Variants in CNTN5 observed in about 807,000 individuals in gnomAD.
The protein encoded by CNTN5 is contactin-5.
In CNTN5, 77 loss-of-function variants were observed where a neutral mutation model predicts 129.1. The observed-to-expected ratio is 0.60, with a 90% CI of 0.50 to 0.72. The LOEUF (loss-of-function observed/expected upper bound fraction) is 0.72, where lower values mean the gene tolerates loss of function less well. Ranked by LOEUF, CNTN5 falls within the 30% of genes least tolerant of loss-of-function variation. The pLI, the probability that CNTN5 is intolerant of heterozygous loss-of-function variation, is 0.00. For synonymous variants in CNTN5, 509 were observed against 465.6 expected, an observed-to-expected ratio of 1.09 and a Z score of -1.20; for missense variants, 1,478 against 1,328.8, an observed-to-expected ratio of 1.11 and a Z score of -1.75.
At chr11:99,940,727 C>A (rs1363567556) in intron 7 of CNTN5, among the ~76,000 whole-genome samples, 4 of 152,008 alleles carry the variant, frequency 2.6e-5, no homozygotes, top group Non-Finnish European at 4.4e-5. Flanking sequence ...TTAGAGAGTT[C>A]ATAAAATCAA....
At chr11:99,149,275 C>T (rs1404883201) in intron 1 of CNTN5, among the ~76,000 whole-genome samples, 1 of 151,042 alleles carries the variant, frequency 6.6e-6, no homozygotes, top group African/African-American at 2.4e-5. Context: ...ATGGGCAGGA[C>T]AGGAAGAGCA....
intron 23 of CNTN5, among the ~76,000 whole-genome samples, chr11:100,346,176 G>T (rs921472759): frequency 1.3e-4 from 20 of 151,908 alleles, no homozygotes; most frequent in Non-Finnish European, 2.5e-4. Flanking sequence ...TCAAATAAAT[G>T]TTTTTAAACA....
At chr11:99,981,407 AAT>A (rs1470024444) in intron 8 of CNTN5, among the ~76,000 whole-genome samples, 2 of 152,016 alleles carry the variant, frequency 1.3e-5, no homozygotes, top group African/African-American at 4.8e-5. Context: ...ATTTCCAGGA[AAT>A]AGACACATGC....
At chr11:99,647,684 A>AT (rs915817222) in intron 3 of CNTN5, among the ~76,000 whole-genome samples, 14 of 151,272 alleles carry the variant, frequency 9.3e-5, no homozygotes, top group South Asian at 6.2e-4. Flanking sequence ...ATTTCTCTTC[A>AT]TTTTTTTGTG....
intron 1 of CNTN5, among the ~76,000 whole-genome samples, chr11:99,145,047 G>C (rs1859709306): frequency 6.6e-6 from 1 of 151,896 alleles, no homozygotes; most frequent in Non-Finnish European, 1.5e-5. Flanking sequence ...CAATTTTATG[G>C]AGTAAATTTC....
At chr11:100,149,972 T>A (rs544813730) in intron 13 of CNTN5, among the ~76,000 whole-genome samples, 36 of 152,118 alleles carry the variant, frequency 2.4e-4, no homozygotes, top group African/African-American at 8.4e-4. Flanking sequence ...TAGTGCACAT[T>A]TAAGTTACAC....
chr11:100,270,677 G>C (rs550927029), intron 17 of CNTN5, among the ~76,000 whole-genome samples: 1 of 152,302 alleles, frequency 6.6e-6, no homozygotes, highest in Admixed American at 6.5e-5. Flanking sequence ...TTCTTAATTT[G>C]CTGCTTGGAA....
At chr11:99,673,488 G>T (rs1227796501) in intron 3 of CNTN5, among the ~76,000 whole-genome samples, 1 of 152,124 alleles carries the variant, frequency 6.6e-6, no homozygotes, top group Non-Finnish European at 1.5e-5. Flanking sequence ...ATGAAGGTTT[G>T]TTACATAGGT....
chr11:99,268,439 A>G (rs1304952132), intron 1 of CNTN5, among the ~76,000 whole-genome samples: 1 of 151,690 alleles, frequency 6.6e-6, no homozygotes, highest in African/African-American at 2.4e-5. Context: ...ATATTAGATC[A>G]TATATAAAAT....
At chr11:99,195,408 A>G (rs978836705) in intron 1 of CNTN5, among the ~76,000 whole-genome samples, 1 of 152,168 alleles carries the variant, frequency 6.6e-6, no homozygotes, top group Non-Finnish European at 1.5e-5. Flanking sequence ...ATGAGAGGAT[A>G]TGGCGTCCTC....
In CNTN5 at chr11:100,058,123, G is replaced by T. The variant is rs531519367; in HGVS notation, c.981-3089G>T. Among the ~76,000 whole-genome samples, 13 of 152,166 alleles carry T rather than the reference G, an allele frequency of 8.5e-5. No homozygotes were observed. In the East Asian group the frequency reaches 2.5e-3, roughly 29 times the overall value. On this transcript the variant is annotated intron_variant, in intron 9 of 24. Transcript: ENST00000524871. Reference sequence around the variant, plus strand: ...ACAATTACAATTTATATAACTTGCTGCTAAAACATTGAAATTATAGATAAA... The same window carrying T: ...ACAATTACAATTTATATAACTTGCTTCTAAAACATTGAAATTATAGATAAA...
intron 2 of CNTN5, among the ~76,000 whole-genome samples, chr11:99,459,116 T>G (rs1033182838): frequency 6.6e-6 from 1 of 151,972 alleles, no homozygotes; most frequent in Non-Finnish European, 1.5e-5. Flanking sequence ...ATAAGGAAAA[T>G]ATATCCCAGG....
At chr11:99,464,850 G>A (rs1944871990) in intron 2 of CNTN5, among the ~76,000 whole-genome samples, 1 of 152,078 alleles carries the variant, frequency 6.6e-6, no homozygotes, top group African/African-American at 2.4e-5. Context: ...ACTGGAGATT[G>A]GTAACCAACT....
At chr11:99,462,770 T>A (rs1356595247) in intron 2 of CNTN5, among the ~76,000 whole-genome samples, 2 of 151,518 alleles carry the variant, frequency 1.3e-5, no homozygotes, top group Non-Finnish European at 2.9e-5. Context: ...ACTGCAGGAG[T>A]AGGGGAGGAA....
chr11:99,447,824 C>A (rs1944132385), intron 2 of CNTN5, among the ~76,000 whole-genome samples: 1 of 152,108 alleles, frequency 6.6e-6, no homozygotes, highest in Non-Finnish European at 1.5e-5. Context: ...ACTTGGGAGG[C>A]TGAGGCAGGA....
chr11:99,393,410 G>A (rs1307105911), intron 2 of CNTN5, among the ~76,000 whole-genome samples: 1 of 151,768 alleles, frequency 6.6e-6, no homozygotes, highest in African/African-American at 2.4e-5. Flanking sequence ...CAGGCCCTAG[G>A]ATAAATGTGT....
chr11:99,588,894 A>AT (rs1487790423), intron 3 of CNTN5, among the ~76,000 whole-genome samples: 14 of 152,308 alleles, frequency 9.2e-5, no homozygotes, highest in Admixed American at 6.5e-4. Flanking sequence ...AGAATGAGTA[A>AT]TTGTCACAGT....
chr11:99,301,241 G>T (rs142714426), intron 1 of CNTN5, among the ~76,000 whole-genome samples: 3 of 151,064 alleles, frequency 2.0e-5, no homozygotes, highest in African/African-American at 7.3e-5. Context: ...CAAATCCTAC[G>T]TTATGAATTA....
intron 7 of CNTN5, among the ~76,000 whole-genome samples, chr11:99,921,992 A>G (rs934781838): frequency 1.3e-5 from 2 of 152,178 alleles, no homozygotes; most frequent in Non-Finnish European, 2.9e-5. Flanking sequence ...TTGGGAAAAT[A>G]TAGTCAAAAA....
Sources: allele counts gnomAD v4.1 joint callset (sites outside exome capture counted in the v4.1 genomes callset), GRCh38; gene constraint gnomAD v4.1.1; transcripts MANE v1.5; gene names NCBI Gene and HGNC (gene_info 2026-07-23, HGNC 2026-07-21).